The following SBNO2 variants were observed in gnomAD, a reference collection of about 807,000 sequenced individuals.
SBNO2 encodes protein strawberry notch homolog 2.
SBNO2 carries 89 observed loss-of-function variants against 146.3 expected under a neutral mutation model. The observed-to-expected ratio is 0.61, with a 90% confidence interval of 0.51 to 0.73. The LOEUF (loss-of-function observed/expected upper bound fraction) is 0.73, where lower values mean the gene tolerates loss of function less well. Ranked by LOEUF, SBNO2 falls within the 30% of genes least tolerant of loss-of-function variation. The pLI is 0.00. For missense variants in SBNO2, 2,092 were observed against 2,003.7 expected, an observed-to-expected ratio of 1.04 and a Z score of -0.84; for synonymous variants, 1,147 against 892.6, an observed-to-expected ratio of 1.29 and a Z score of -5.08.
intron 4 of SBNO2, among the ~76,000 whole-genome samples, chr19:1,143,779 C>T (rs2080161539): frequency 1.3e-5 from 2 of 152,124 alleles, no homozygotes; most frequent in African/African-American, 2.4e-5. Context: ...GCTCTCCCGT[C>T]TCGGGTCCAT....
chr19:1,109,466 G>C lies in SBNO2; in HGVS notation c.3216+40C>G, dbSNP rs1315877152. 7 of 1,568,302 alleles carry C rather than the reference G, an allele frequency of 4.5e-6. No homozygotes were observed. In the Admixed American group the frequency reaches 7.6e-5, roughly 17 times the overall value. On this transcript the variant is annotated intron_variant, in intron 28 of 31. Coordinates refer to ENST00000361757, the MANE Select transcript of SBNO2 (RefSeq NM_014963.3). The surrounding 1 kb of genome is among the most constrained non-coding windows in gnomAD (Gnocchi z 4.2). ...GAGGCCGCGCCCCGGTCCGCCCCCC[G>C]CGGGCCCTCCTCTGGGGGGGTAACC...
intron 4 of SBNO2, among the ~76,000 whole-genome samples, chr19:1,132,696 G>C (rs571901323): frequency 2.4e-4 from 36 of 152,296 alleles, no homozygotes; most frequent in African/African-American, 6.7e-4. Flanking sequence ...ACCCCTGCAG[G>C]CTGAGGTCCC....
At chr19:1,155,491 G>C (rs2080282114) in intron 1 of SBNO2, among the ~76,000 whole-genome samples, 1 of 152,220 alleles carries the variant, frequency 6.6e-6, no homozygotes, top group South Asian at 2.1e-4. Flanking sequence ...ACCCTTGGCA[G>C]CCCTTCCAGC....
chr19:1,123,209 C>T (rs1182523647), intron 7 of SBNO2, among the ~76,000 whole-genome samples, 164 bp from the exon 8 acceptor site: 3 of 151,418 alleles, frequency 2.0e-5, no homozygotes, highest in Admixed American at 6.6e-5. Flanking sequence ...CCAGGAATGC[C>T]TGGGTGGAGG....
At chr19:1,121,862 T>C (rs1243461107) in intron 11 of SBNO2, among the ~76,000 whole-genome samples, 3 of 152,180 alleles carry the variant, frequency 2.0e-5, no homozygotes, top group Non-Finnish European at 4.4e-5. Flanking sequence ...TGATGGTCAC[T>C]TGTGTGGTAC....
At chr19:1,170,460 G>A (rs1222026917) in intron 1 of SBNO2, among the ~76,000 whole-genome samples, 2 of 152,160 alleles carry the variant, frequency 1.3e-5, no homozygotes, top group African/African-American at 4.8e-5. Flanking sequence ...CGGACAGCGG[G>A]CAGGCCAGGA....
chr19:1,112,494 A>T lies in SBNO2; in HGVS notation c.2423T>A (p.Leu808His). 6.2e-7 allele frequency: 1 copy of T among 1,606,110 alleles called. No homozygotes were observed. Among genetic ancestry groups the T allele is most frequent in the Non-Finnish European group, 8.5e-7 (1 of 1,178,296 alleles). Residue 808 changes from leucine to histidine, a missense_variant, in exon 21 of 32, where the codon CTC becomes CAC. Physicochemically the swap from Leu to His is moderately conservative, Grantham distance 99. Transcript: ENST00000361757. This position sits in a 1 kb window ranked among gnomAD's most constrained non-coding sequence, Gnocchi z 5.9. Reference sequence around the variant, plus strand: ...GTTCTGGACACGGCGGTCGGCTTGGAGGGAGACACCCGAGCTGGAGGCCTC... The same window carrying T: ...GTTCTGGACACGGCGGTCGGCTTGGTGGGAGACACCCGAGCTGGAGGCCTC... ...ISEASSSGVSLQADRRVQNQR... is the reference protein window; with the variant it reads ...ISEASSSGVSHQADRRVQNQR...
At chr19:1,116,592 G>A (rs975684176) in intron 16 of SBNO2, among the ~76,000 whole-genome samples, 13 of 152,136 alleles carry the variant, frequency 8.5e-5, no homozygotes, top group Non-Finnish European at 1.6e-4. Context: ...TGAGACCCCT[G>A]GAGACCATGT....
In SBNO2 at chr19:1,109,591, A is replaced by C; in HGVS notation, c.3131T>G (p.Val1044Gly). 7.0e-7 allele frequency: 1 copy of C among 1,430,942 alleles called. No homozygotes were observed. The allele number at this position is 1,430,942 out of a possible 1,614,324, so 88.6% of individuals were successfully genotyped here. A position where few individuals can be genotyped will look rare whatever the true frequency, so the allele number is the denominator to read the frequency against. The change falls in exon 28 of 32, where the codon GTG (valine) becomes GGG (glycine). Residue 1044 changes from valine to glycine, a missense_variant. Coordinates refer to ENST00000361757, the MANE Select transcript of SBNO2 (RefSeq NM_014963.3). This position sits in a 1 kb window ranked among gnomAD's most constrained non-coding sequence, Gnocchi z 4.2. Reference protein sequence around the residue: ...DGQVVFYKISVDRGLKWEDAF... With the variant: ...DGQVVFYKISGDRGLKWEDAF... ...GTCCTCCCACTTCAGGCCGCGGTCCACGCTGATCTGCCACGGCACGGGGTG... is the reference window on the plus strand; with the variant it reads ...GTCCTCCCACTTCAGGCCGCGGTCCCCGCTGATCTGCCACGGCACGGGGTG...
chr19:1,161,689 C>T (rs1344251620), intron 1 of SBNO2, among the ~76,000 whole-genome samples: 1 of 151,972 alleles, frequency 6.6e-6, no homozygotes, highest in African/African-American at 2.4e-5. Context: ...TCATACTACG[C>T]TTTCTACCTC....
chr19:1,142,529 A>G (rs1244144294), intron 4 of SBNO2, among the ~76,000 whole-genome samples: 1 of 151,972 alleles, frequency 6.6e-6, no homozygotes. Flanking sequence ...AAAATACAAA[A>G]ATTAGCCAGG....
rs964312424 is a variant in SBNO2, at chr19:1,150,304, C to G, written c.94-862G>C. ...GCAGCAGCGGGCCCAAGGGCGGCAG[C>G]GGGCCCAGGGTCAGCACCTGCGGCT... is the stretch of plus-strand genomic sequence containing the variant. On this transcript the variant is annotated intron_variant, in intron 2 of 31. Transcript: ENST00000361757. The surrounding 1 kb of genome is among the most constrained non-coding windows in gnomAD (Gnocchi z 6.2). 6.6e-6 allele frequency among the ~76,000 whole-genome samples: 1 copy of G among 152,156 alleles called. No individual in the cohort carries two copies. Among genetic ancestry groups the G allele is most frequent in the African/African-American group, 2.4e-5 (1 of 41,432 alleles).
intron 4 of SBNO2, chr19:1,132,108 C>A: frequency 6.5e-7 from 1 of 1,540,422 alleles, no homozygotes; most frequent in African/African-American, 1.4e-5. Flanking sequence ...GAGCCTCAAA[C>A]TGCAGCCACA....
chr19:1,119,156 C>T lies in SBNO2; in HGVS notation c.1382G>A (p.Gly461Asp). ...FLHAIEKRGVGAMEIVAMDMK... is the reference protein window; with the variant it reads ...FLHAIEKRGVDAMEIVAMDMK... ...GTCCATGGCCACGATCTCCATGGCGCCAACGCCCCTGCGGATGGACACAGC... is the reference window on the plus strand; with the variant it reads ...GTCCATGGCCACGATCTCCATGGCGTCAACGCCCCTGCGGATGGACACAGC... The change falls in exon 14 of 32, where the codon GGC (glycine) becomes GAC (aspartate). Residue 461 changes from glycine (G) to aspartate (D), a missense_variant. Physicochemically the swap from Gly to Asp is moderately conservative, Grantham distance 94. Transcript: ENST00000361757. 1 of 1,598,030 alleles carries T rather than the reference C, an allele frequency of 6.3e-7. No homozygotes were observed. The highest frequency in any genetic ancestry group is 8.5e-7 in the Non-Finnish European group (1 of 1,174,422).
intron 3 of SBNO2, 57 bp downstream of exon 3, chr19:1,149,312 C>T (rs2080221082): frequency 6.8e-7 from 1 of 1,479,830 alleles, no homozygotes; most frequent in Admixed American, 2.0e-5. Flanking sequence ...CCGTTTGTAA[C>T]TGTGACTTCA....
chr19:1,162,901 G>C (rs956536171), intron 1 of SBNO2, among the ~76,000 whole-genome samples: 8 of 152,234 alleles, frequency 5.3e-5, no homozygotes, highest in African/African-American at 1.7e-4. Flanking sequence ...AACTGGCAGA[G>C]GGGAGGGGAC....
At chr19:1,162,650 G>C (rs1429388124) in intron 1 of SBNO2, among the ~76,000 whole-genome samples, 1 of 152,118 alleles carries the variant, frequency 6.6e-6, no homozygotes, top group Admixed American at 6.6e-5. Flanking sequence ...GCTTTGTGAG[G>C]TGGAGCCCAA....
chr19:1,165,477 G>T (rs2145348271), intron 1 of SBNO2, among the ~76,000 whole-genome samples: 1 of 152,268 alleles, frequency 6.6e-6, no homozygotes, highest in Admixed American at 6.5e-5. Flanking sequence ...AGTAGTGGTG[G>T]TTGCTGGCAC....
At chr19:1,147,279 C>T (rs771497035) in intron 4 of SBNO2, 30 bp downstream of exon 4, 3 of 1,465,584 alleles carry the variant, frequency 2.0e-6, no homozygotes, top group East Asian at 2.4e-5. Flanking sequence ...CCCTGCCCCC[C>T]ACGGCGCGGT....
Sources: allele counts gnomAD v4.1 joint callset (sites outside exome capture counted in the v4.1 genomes callset), GRCh38; gene constraint gnomAD v4.1.1; non-coding constraint Gnocchi (gnomAD v3.1); transcripts MANE v1.5; gene names NCBI Gene and HGNC (gene_info 2026-07-23, HGNC 2026-07-21).